G3BP2: variants seen among roughly 807,000 people sequenced by gnomAD.
The protein encoded by G3BP2 is ras GTPase-activating protein-binding protein 2.
In G3BP2, 11 loss-of-function variants were observed where a neutral mutation model predicts 56.7. The ratio of observed to expected loss-of-function variants is 0.19; its 90% CI spans 0.12 to 0.32. The LOEUF (loss-of-function observed/expected upper bound fraction) is 0.32. Among genes scored for constraint, G3BP2 ranks in the 10% least tolerant of loss-of-function variants. The probability of loss-of-function intolerance (pLI) is 1.00; values close to 1 mark genes in which losing one functional copy is unlikely to be tolerated. For missense variants in G3BP2, 340 were observed against 610.9 expected, an observed-to-expected ratio of 0.56 and a Z score of 4.67; for synonymous variants, 165 against 191.6, an observed-to-expected ratio of 0.86 and a Z score of 1.15.
chr4:75,712,066 T>G (rs1304333372), intron 3 of G3BP2, among the ~76,000 whole-genome samples: 1 of 152,154 alleles, frequency 6.6e-6, no homozygotes, highest in Non-Finnish European at 1.5e-5. Flanking sequence ...CACAAAGAAA[T>G]GATAACTGTT....
rs566991517 is a variant in G3BP2 at position 75,697,130 on chromosome 4, T to G, written c.-25+23747A>C. ...CTCTACTAAAAATACAAAAATTAGC[T>G]GGGCTGGGTAGCGCGTGCCTGTAGT... On this transcript the variant is annotated intron_variant, in intron 3 of 3. Transcript: ENST00000499709. 2.0e-4 allele frequency among the ~76,000 whole-genome samples: 30 copies of G among 151,602 alleles called. No individual in the cohort carries two copies. The South Asian group carries it at 6.3e-3, about 32-fold the overall frequency.
chr4:75,701,205 A>C (rs1407467399), intron 3 of G3BP2, among the ~76,000 whole-genome samples: 1 of 152,124 alleles, frequency 6.6e-6, no homozygotes, highest in African/African-American at 2.4e-5. Flanking sequence ...CCCAATTTGC[A>C]AAAAGGAATC....
chr4:75,703,038 C>G (rs1719407418), intron 3 of G3BP2, among the ~76,000 whole-genome samples: 1 of 152,110 alleles, frequency 6.6e-6, no homozygotes, highest in East Asian at 1.9e-4. Context: ...TTAAAATCAC[C>G]CACATTCTTT....
At chr4:75,659,570 G>A (rs909138534) in intron 2 of G3BP2, among the ~76,000 whole-genome samples, 1 of 152,134 alleles carries the variant, frequency 6.6e-6, no homozygotes, top group Non-Finnish European at 1.5e-5. Context: ...GCTCAAAGAT[G>A]TGAAGCTAAT....
intron 3 of G3BP2, among the ~76,000 whole-genome samples, chr4:75,699,255 C>CA (rs1719238385): frequency 6.6e-6 from 1 of 152,222 alleles, no homozygotes; most frequent in African/African-American, 2.4e-5. Context: ...CCCTCTCTAG[C>CA]AATCAGTCAG....
At chr4:75,668,027 T>C (rs1733192991) in intron 1 of G3BP2, among the ~76,000 whole-genome samples, 1 of 152,204 alleles carries the variant, frequency 6.6e-6, no homozygotes, top group South Asian at 2.1e-4. Flanking sequence ...ATGTTTCCTC[T>C]GCATTTGCCT....
intron 2 of G3BP2, among the ~76,000 whole-genome samples, chr4:75,659,917 C>G (rs1176152798): frequency 1.3e-5 from 2 of 152,146 alleles, no homozygotes; most frequent in Non-Finnish European, 2.9e-5. Flanking sequence ...TGTGTGTATA[C>G]ACATGAAAAG....
chr4:75,693,823 C>A (rs1227566042), intron 3 of G3BP2, among the ~76,000 whole-genome samples: 1 of 150,640 alleles, frequency 6.6e-6, no homozygotes, highest in East Asian at 1.9e-4. Context: ...CAACCTCAAA[C>A]TCCTGGGCTC....
intron 5 of G3BP2, 108 bp downstream of exon 5, chr4:75,656,816 C>G (rs1401105429): frequency 3.0e-6 from 2 of 674,714 alleles, no homozygotes; most frequent in Admixed American, 2.8e-5. Context: ...ATGTTTGACA[C>G]AGTTACAATA....
At chr4:75,674,619 A>G (rs1733761976), upstream of G3BP2, among the ~76,000 whole-genome samples, 1 of 150,544 alleles carries the variant, frequency 6.6e-6, no homozygotes, top group African/African-American at 2.4e-5. Context: ...CTGGGCTTAT[A>G]TACCAGGCAT....
At chr4:75,689,935 G>A (rs1030974472) in intron 3 of G3BP2, among the ~76,000 whole-genome samples, 10 of 152,218 alleles carry the variant, frequency 6.6e-5, no homozygotes, top group Non-Finnish European at 1.2e-4. Context: ...TGGGGCACAA[G>A]AGAAGCTTCT....
chr4:75,706,241 T>C (rs573610380), intron 3 of G3BP2, among the ~76,000 whole-genome samples: 143 of 152,318 alleles, frequency 9.4e-4, no homozygotes, highest in Non-Finnish European at 1.9e-3. Context: ...CATTGTGTTT[T>C]TGTTTTTGCT....
chr4:75,666,877 C>G (rs1241264681), intron 1 of G3BP2, among the ~76,000 whole-genome samples: 1 of 152,144 alleles, frequency 6.6e-6, no homozygotes, highest in Admixed American at 6.6e-5. Context: ...TAAAAGGTTT[C>G]AACTATCTTA....
rs531151673 is a variant in G3BP2 at position 75,644,177 on chromosome 4, C to A, written c.*1253G>T. On this transcript the variant is annotated 3_prime_UTR_variant, in exon 12 of 12. Transcript: ENST00000359707. ...GAATCTGACTGCTTTTAAAATGTCACTAAAAATGTACGTCAAGTTGACTGA... is the reference window on the plus strand; with the variant it reads ...GAATCTGACTGCTTTTAAAATGTCAATAAAAATGTACGTCAAGTTGACTGA... 1 of 152,644 alleles carries A rather than the reference C, an allele frequency of 6.6e-6. No homozygotes were observed. The highest frequency in any genetic ancestry group is 2.1e-4 in the South Asian group (1 of 4,826). The allele number at this position is 152,644 out of a possible 1,614,324, so 9.5% of individuals were successfully genotyped here.
At chr4:75,722,357 G>A (rs1720208809) in intron 1 of G3BP2, among the ~76,000 whole-genome samples, 1 of 152,176 alleles carries the variant, frequency 6.6e-6, no homozygotes, top group South Asian at 2.1e-4. Context: ...GTAACCTACT[G>A]TACCCACCAA....
intron 1 of G3BP2, among the ~76,000 whole-genome samples, chr4:75,723,265 C>G (rs7696241): frequency 0.9 from 136,415 of 152,224 alleles, 61,201 homozygotes; most frequent in African/African-American, 0.94. Context: ...AAGGAGTTTG[C>G]ACTTTATTCT....
intron 1 of G3BP2, among the ~76,000 whole-genome samples, chr4:75,671,761 TG>T (rs1429599124): frequency 6.6e-6 from 1 of 152,100 alleles, no homozygotes; most frequent in East Asian, 1.9e-4. Flanking sequence ...TTAAGAAAAA[TG>T]TTACTGCCAA....
Position 75,644,496 on chromosome 4 carries a change from A to G in G3BP2, c.*934T>C, listed in dbSNP as rs2148935519. The G allele has an allele frequency of 6.5e-6, 1 of 152,780 alleles. No individual in the cohort carries two copies. The highest frequency in any genetic ancestry group is 2.1e-4 in the South Asian group (1 of 4,826). 9.5% of individuals were successfully genotyped at this position (152,780 alleles called of 1,614,324 possible). The stretch of plus-strand genomic sequence containing the variant: ...AGCAATTCATACACTATACTGTACA[A>G]AATTACCAGCAAGACTGGAATGATG... On this transcript the variant is annotated 3_prime_UTR_variant, in exon 12 of 12. Transcript: ENST00000359707.
At chr4:75,688,279 G>T (rs373626683) in intron 3 of G3BP2, among the ~76,000 whole-genome samples, 6 of 152,076 alleles carry the variant, frequency 3.9e-5, no homozygotes, top group African/African-American at 1.4e-4. Context: ...GTGGTCTCAA[G>T]TGTTCCACCT....
Sources: gnomAD v4.1 joint callset for allele counts (sites outside exome capture counted in the v4.1 genomes callset) on GRCh38, gnomAD v4.1.1 for gene constraint, MANE v1.5 for transcripts, NCBI Gene and HGNC (gene_info 2026-07-23, HGNC 2026-07-21) for gene names.